INPP5F: variants seen among roughly 807,000 people sequenced by gnomAD.
INPP5F encodes phosphatidylinositide 4-phosphatase SAC2.
A neutral mutation model predicts 137.2 loss-of-function variants in INPP5F; 97 were observed. That is an observed-to-expected ratio of 0.71 (90% CI 0.60 to 0.84). The LOEUF (loss-of-function observed/expected upper bound fraction) is 0.84. Among genes scored for constraint, INPP5F ranks in the 40% least tolerant of loss-of-function variants. The pLI is 0.00. For synonymous variants in INPP5F, 504 were observed against 476.9 expected, an observed-to-expected ratio of 1.06 and a Z score of -0.74; for missense variants, 1,271 against 1,371.9, an observed-to-expected ratio of 0.93 and a Z score of 1.16.
In INPP5F at chr10:119,811,832, A is replaced by G. The variant is rs367771900; in HGVS notation, c.1763A>G (p.His588Arg). 3.5e-5 allele frequency: 56 copies of G among 1,614,164 alleles called. No individual in the cohort carries two copies. Among genetic ancestry groups the G allele is most frequent in the Non-Finnish European group, 4.7e-5 (55 of 1,179,960 alleles). ...AAGGAGAAAGAACATGAAGCTTTGC[A>G]TAAGGAAAATCAGAGAAGCCACCAG... The part of the protein sequence containing the change: ...FTKEKEHEAL[H>R]KENQRSHQEL... The change falls in exon 15 of 20, where the codon CAT becomes CGT. Residue 588 changes from histidine (H) to arginine (R), a missense_variant. Around this residue, in one of 6 missense-constraint regions of INPP5F, gnomAD observed 593 missense variants for 712.4 expected, o/e 0.83. Transcript: ENST00000650623.
intron 1 of INPP5F, among the ~76,000 whole-genome samples, chr10:119,733,468 C>G (rs1327879953): frequency 6.6e-6 from 1 of 152,184 alleles, no homozygotes; most frequent in Non-Finnish European, 1.5e-5. Flanking sequence ...GGAACTATTT[C>G]CTCCAGTGGT....
In INPP5F at chr10:119,797,752, C is replaced by T. The variant is rs531769434; in HGVS notation, c.1048+112C>T. ...GCTTTGCCAGATACTTCTTTCAAAA[C>T]GATAACTTGTATTTGAAAAATGTAA... is the stretch of plus-strand genomic sequence containing the variant. On this transcript the variant is annotated intron_variant, in intron 8 of 19. Transcript: ENST00000650623. The T allele has an allele frequency of 8.0e-5, 55 of 687,288 alleles. 1 individual carries two copies. Among genetic ancestry groups the T allele is most frequent in the East Asian group, 3.1e-4 (10 of 32,336 alleles). 42.6% of individuals were successfully genotyped at this position (687,288 alleles called of 1,614,324 possible). A position where few individuals can be genotyped will look rare whatever the true frequency, so the allele number is the denominator to read the frequency against.
intron 3 of INPP5F, among the ~76,000 whole-genome samples, chr10:119,783,551 G>T (rs931306440): frequency 1.3e-5 from 2 of 152,112 alleles, no homozygotes; most frequent in Non-Finnish European, 2.9e-5. Context: ...GTCCTTCATG[G>T]CCACCAATCT....
chr10:119,797,596 G>A lies in INPP5F; in HGVS notation c.1004G>A (p.Ser335Asn), dbSNP rs1354556914. ...QTRGSVPVFW[S>N]QVGYRYNPRP... ...CGAGGCTCTGTGCCTGTCTTTTGGAGCCAGGTTGGGTATCGATATAACCCA... is the reference window on the plus strand; with the variant it reads ...CGAGGCTCTGTGCCTGTCTTTTGGAACCAGGTTGGGTATCGATATAACCCA... Residue 335 changes from serine (S) to asparagine (N), a missense_variant, in exon 8 of 20, where the codon AGC becomes AAC. Around this residue, in one of 6 missense-constraint regions of INPP5F, gnomAD observed 593 missense variants for 712.4 expected, o/e 0.83. Transcript: ENST00000650623. The A allele has an allele frequency of 7.4e-6, 12 of 1,613,272 alleles. No individual in the cohort carries two copies. Among genetic ancestry groups the A allele is most frequent in the Non-Finnish European group, 9.3e-6 (11 of 1,179,624 alleles).
chr10:119,800,602 G>C (rs1850553655), intron 9 of INPP5F, among the ~76,000 whole-genome samples: 1 of 151,090 alleles, frequency 6.6e-6, no homozygotes, highest in South Asian at 2.1e-4. Context: ...TTATTCAAAA[G>C]GATGTACAAC....
intron 2 of INPP5F, among the ~76,000 whole-genome samples, chr10:119,765,572 G>T (rs890346503): frequency 6.7e-6 from 1 of 149,460 alleles, no homozygotes; most frequent in Admixed American, 6.7e-5. Context: ...TGTAGAGATG[G>T]GGTTTTGCTA....
chr10:119,772,290 G>T (rs1236924547), intron 2 of INPP5F, among the ~76,000 whole-genome samples: 2 of 152,034 alleles, frequency 1.3e-5, no homozygotes, highest in Admixed American at 6.5e-5. Flanking sequence ...CTCAGTCCAG[G>T]ATTGTGCTCA....
intron 1 of INPP5F, among the ~76,000 whole-genome samples, chr10:119,750,517 G>A (rs949972436): frequency 2.0e-5 from 3 of 152,190 alleles, no homozygotes; most frequent in Non-Finnish European, 4.4e-5. Flanking sequence ...ACTGTTCTGT[G>A]GTTTAGATGA....
intron 9 of INPP5F, among the ~76,000 whole-genome samples, chr10:119,803,620 A>G (rs1275269541): frequency 6.6e-6 from 1 of 152,198 alleles, no homozygotes. Flanking sequence ...ACTCTTCCAG[A>G]TGAACTTTTG....
At chr10:119,759,743 C>G (rs1171250613) in intron 2 of INPP5F, among the ~76,000 whole-genome samples, 1 of 152,206 alleles carries the variant, frequency 6.6e-6, no homozygotes. Flanking sequence ...ATTCTCTTAA[C>G]AGACTTGAGT....
rs1851533358 is a variant in INPP5F at position 119,820,860 on chromosome 10, C to G, written c.1901C>G (p.Thr634Ser). The change falls in exon 16 of 20, where the codon ACT becomes AGT. Residue 634 changes from threonine (T) to serine (S), a missense_variant. Transcript: ENST00000650623. ...IDCDPSLIDA[T>S]HRDVDVLLLL... The stretch of plus-strand genomic sequence containing the variant: ...TATTTGTTTAGCCTCATTGATGCTA[C>G]TCACAGAGACGTGGATGTGCTGTTA... The G allele has an allele frequency of 6.2e-7, 1 of 1,609,980 alleles. No individual in the cohort carries two copies. The highest frequency in any genetic ancestry group is 8.5e-7 in the Non-Finnish European group (1 of 1,176,216).
chr10:119,739,656 GT>G (rs1848317746), intron 1 of INPP5F, among the ~76,000 whole-genome samples: 1 of 152,012 alleles, frequency 6.6e-6, no homozygotes, highest in African/African-American at 2.4e-5. Flanking sequence ...TTGAGATAGG[GT>G]CTTCATTTGC....
intron 9 of INPP5F, among the ~76,000 whole-genome samples, chr10:119,803,317 T>G (rs544599064): frequency 7.6e-4 from 116 of 152,358 alleles, no homozygotes; most frequent in African/African-American, 2.7e-3. Flanking sequence ...TTGTGTATAA[T>G]TAATGAGATG....
chr10:119,775,045 C>T (rs1849479270), intron 2 of INPP5F, among the ~76,000 whole-genome samples: 1 of 152,016 alleles, frequency 6.6e-6, no homozygotes, highest in African/African-American at 2.4e-5. Context: ...TAGATATCTA[C>T]ACGTCATAAT....
At chr10:119,773,138 C>G (rs1439065019) in intron 2 of INPP5F, among the ~76,000 whole-genome samples, 1 of 152,016 alleles carries the variant, frequency 6.6e-6, no homozygotes, top group Non-Finnish European at 1.5e-5. Flanking sequence ...CTTACTGCAA[C>G]CTTCGCCTCC....
intron 9 of INPP5F, among the ~76,000 whole-genome samples, chr10:119,799,562 A>T (rs964206014): frequency 6.6e-6 from 1 of 152,212 alleles, no homozygotes; most frequent in Non-Finnish European, 1.5e-5. Context: ...TTGAAAAAAA[A>T]TATGAGGTTT....
At chr10:119,806,144 T>C (rs1194582603) in intron 11 of INPP5F, among the ~76,000 whole-genome samples, 1 of 152,190 alleles carries the variant, frequency 6.6e-6, no homozygotes, top group African/African-American at 2.4e-5. Context: ...CCCAGTTTTT[T>C]TTTTTCCTTA....
At position 119,828,583 on chromosome 10, in the gene INPP5F, G is replaced by A. The variant is rs1469799641; in HGVS notation, c.*803G>A. The A allele has an allele frequency of 6.6e-6, 1 of 152,176 alleles. No homozygotes were observed. The highest frequency in any genetic ancestry group is 1.9e-4 in the East Asian group (1 of 5,192). 9.4% of individuals were successfully genotyped at this position (152,176 alleles called of 1,614,324 possible). On this transcript the variant is annotated 3_prime_UTR_variant, in exon 20 of 20. Transcript: ENST00000650623. ...GGCATCCTCGACATCTTATGTAGAT[G>A]ATCCACAACTTCAAAATTTAGTCTG...
chr10:119,794,626 G>A (rs1477105327), intron 6 of INPP5F, among the ~76,000 whole-genome samples: 2 of 150,702 alleles, frequency 1.3e-5, no homozygotes, highest in Admixed American at 6.6e-5. Flanking sequence ...CCTCCCGTAC[G>A]GGGCGGCTGG....
Sources: gnomAD v4.1 joint callset for allele counts (sites outside exome capture counted in the v4.1 genomes callset) on GRCh38, gnomAD v4.1.1 for gene constraint, gnomAD v4.1.1 regional missense constraint, MANE v1.5 for transcripts, NCBI Gene and HGNC (gene_info 2026-07-23, HGNC 2026-07-21) for gene names.